ZCCHC10: variants seen among roughly 807,000 people sequenced by gnomAD.
ZCCHC10 encodes the protein zinc finger CCHC-type containing 10, also known as zinc finger CCHC domain-containing protein 10.
A neutral mutation model predicts 19.5 loss-of-function variants in ZCCHC10; 16 were observed. The ratio of observed to expected loss-of-function variants is 0.82; its 90% CI spans 0.56 to 1.25. The LOEUF (loss-of-function observed/expected upper bound fraction) is 1.25, where lower values mean the gene tolerates loss of function less well. Among genes scored for constraint, ZCCHC10 ranks in the 50% most tolerant of loss-of-function variants. ZCCHC10 has a pLI of 0.00. For synonymous variants in ZCCHC10, 67 were observed against 72.5 expected (o/e 0.92, Z 0.38); for missense variants, 197 against 201.0 (o/e 0.98, Z 0.12).
In ZCCHC10 at chr5:133,009,076, C is replaced by T. The variant is rs754875544; in HGVS notation, c.108-2156G>A. Among the ~76,000 whole-genome samples the T allele has an allele frequency of 8.6e-5, 13 of 151,908 alleles. No individual in the cohort carries two copies. The South Asian group carries it at 1.7e-3, about 19-fold the overall frequency. ...GGCCAAGAGTGCAGTGGCACGATCT[C>T]GGCTCACCACAAGCCTCCCAGGTTC... is the stretch of plus-strand genomic sequence containing the variant. On this transcript the variant is annotated intron_variant, in intron 2 of 4. Transcript: ENST00000509437.
At chr5:133,007,019 CTTA>C (rs1763165952) in intron 2 of ZCCHC10, 99 bp from the exon 3 acceptor site, 9 of 1,150,660 alleles carry the variant, frequency 7.8e-6, no homozygotes, top group African/African-American at 1.6e-5. Context: ...TATGTTTACT[CTTA>C]TGGTCCAATT....
At chr5:133,022,049 G>A (rs145934232) in intron 2 of ZCCHC10, among the ~76,000 whole-genome samples, 2 of 152,118 alleles carry the variant, frequency 1.3e-5, no homozygotes, top group East Asian at 1.9e-4. Context: ...CCCACCATGG[G>A]CCACCCAAAG....
At chr5:133,018,640 C>A (rs1189280315) in intron 2 of ZCCHC10, among the ~76,000 whole-genome samples, 1 of 152,122 alleles carries the variant, frequency 6.6e-6, no homozygotes, top group African/African-American at 2.4e-5. Context: ...CTCAGGTGAT[C>A]CTTGGCCTCG....
rs1762512813 is a variant in ZCCHC10 at position 132,997,701 on chromosome 5, G to A, written c.*882C>T. 6.6e-6 allele frequency: 1 copy of A among 151,926 alleles called. No individual in the cohort carries two copies. The highest frequency in any genetic ancestry group is 2.4e-5 in the African/African-American group (1 of 41,362). 9.4% of individuals were successfully genotyped at this position (151,926 alleles called of 1,614,324 possible). A position where few individuals can be genotyped will look rare whatever the true frequency, so the allele number is the denominator to read the frequency against. ...GCTTAAAAAAAGCTTTTAATAAAAGGCGACCAACATTGCCCTAATTTTCAG... is the reference window on the plus strand; with the variant it reads ...GCTTAAAAAAAGCTTTTAATAAAAGACGACCAACATTGCCCTAATTTTCAG... On this transcript the variant is annotated 3_prime_UTR_variant, in exon 5 of 5. Coordinates refer to ENST00000509437, the MANE Select transcript of ZCCHC10 (RefSeq NM_001300816.3).
At chr5:133,015,558 T>C (rs745505845) in intron 2 of ZCCHC10, among the ~76,000 whole-genome samples, 1 of 152,098 alleles carries the variant, frequency 6.6e-6, no homozygotes, top group African/African-American at 2.4e-5. Flanking sequence ...GTAGCTGCCA[T>C]GTCATGAAGT....
At chr5:133,026,389 A>C in intron 1 of ZCCHC10, 108 bp downstream of exon 1, 1 of 1,469,694 alleles carries the variant, frequency 6.8e-7, no homozygotes, top group South Asian at 1.2e-5. Context: ...AGAGTGTTTG[A>C]GAAACGGACA....
chr5:133,007,430 C>T (rs1010716863), intron 2 of ZCCHC10, among the ~76,000 whole-genome samples: 1 of 151,842 alleles, frequency 6.6e-6, no homozygotes, highest in East Asian at 1.9e-4. Flanking sequence ...GTAGTCCCAG[C>T]TACTCAGGAG....
intron 2 of ZCCHC10, among the ~76,000 whole-genome samples, chr5:133,009,164 G>A (rs1448901846): frequency 2.0e-5 from 3 of 151,932 alleles, no homozygotes; most frequent in African/African-American, 4.8e-5. Flanking sequence ...TATCACGCCC[G>A]GCTAATTTTT....
At chr5:133,025,337 T>C (rs1764603058) in intron 1 of ZCCHC10, among the ~76,000 whole-genome samples, 1 of 151,442 alleles carries the variant, frequency 6.6e-6, no homozygotes, top group East Asian at 1.9e-4. Context: ...ACCCCATCTC[T>C]ACTAAAAATA....
chr5:133,009,711 C>T (rs550847382), intron 2 of ZCCHC10, among the ~76,000 whole-genome samples: 12 of 151,564 alleles, frequency 7.9e-5, no homozygotes, highest in South Asian at 2.1e-4. Flanking sequence ...GTCTGTCCAT[C>T]GCAACAGGGT....
At position 133,019,260 on chromosome 5, in the gene ZCCHC10, T is replaced by G. The variant is rs560456995; in HGVS notation, c.107+3581A>C. The G allele has an allele frequency of 8.5e-4, 216 of 254,616 alleles. 3 individuals are homozygous for G. Among genetic ancestry groups the G allele is most frequent in the African/African-American group, 4.9e-3 (207 of 42,484 alleles). The allele number at this position is 254,616 out of a possible 1,614,324, so 15.8% of individuals were successfully genotyped here. On this transcript the variant is annotated intron_variant, in intron 2 of 4. Transcript: ENST00000509437. ...TGAAGCCCAGGTATGATTAACATAT[T>G]TTATATGTATGTTTTAAACACTCAC...
chr5:133,011,665 T>G (rs1763543537), intron 2 of ZCCHC10, among the ~76,000 whole-genome samples: 1 of 136,428 alleles, frequency 7.3e-6, no homozygotes, highest in African/African-American at 2.7e-5. Flanking sequence ...TGAGATAAAT[T>G]AAATACCAAT....
At chr5:133,005,228 A>C (rs924125720) in intron 3 of ZCCHC10, among the ~76,000 whole-genome samples, 1 of 152,030 alleles carries the variant, frequency 6.6e-6, no homozygotes, top group African/African-American at 2.4e-5. Flanking sequence ...CCTGGGAAGC[A>C]GAGGTCGAAG....
chr5:133,026,348 T>C (rs1764710121), intron 1 of ZCCHC10, 149 bp downstream of exon 1: 16 of 1,141,826 alleles, frequency 1.4e-5, no homozygotes, highest in Non-Finnish European at 1.9e-5. Flanking sequence ...ACCAGACTTA[T>C]CGCCCGGGCC....
intron 3 of ZCCHC10, among the ~76,000 whole-genome samples, chr5:133,006,268 A>G (rs937391587): frequency 1.3e-5 from 2 of 152,150 alleles, no homozygotes; most frequent in Non-Finnish European, 2.9e-5. Flanking sequence ...TTTTATAAAC[A>G]TAAATCATAG....
rs1762518431 is a variant in ZCCHC10, at chr5:132,997,790, A to AAAGG, written c.*792_*793insCCTT. Reference sequence around the variant, plus strand: ...GAATGGTACCTTTTATTGCATGTTAATACACAAAGATATTTCTAGCACTTC... The same window carrying AAAGG: ...GAATGGTACCTTTTATTGCATGTTAAAAGGTACACAAAGATATTTCTAGCACTTC... On this transcript the variant is annotated 3_prime_UTR_variant, in exon 5 of 5. Transcript: ENST00000509437. 6.6e-6 allele frequency: 1 copy of AAAGG among 152,096 alleles called. No individual in the cohort carries two copies. Among genetic ancestry groups the AAAGG allele is most frequent in the Non-Finnish European group, 1.5e-5 (1 of 67,992 alleles). The allele number at this position is 152,096 out of a possible 1,614,324, so 9.4% of individuals were successfully genotyped here.
chr5:133,002,780 C>G (rs1449589473), intron 3 of ZCCHC10, among the ~76,000 whole-genome samples: 1 of 151,988 alleles, frequency 6.6e-6, no homozygotes, highest in Non-Finnish European at 1.5e-5. Context: ...AGTGCTGTTG[C>G]ATGATCTTGG....
chr5:133,005,953 G>T (rs182855879), intron 3 of ZCCHC10, among the ~76,000 whole-genome samples: 86 of 147,622 alleles, frequency 5.8e-4, no homozygotes, highest in African/African-American at 2.1e-3. Context: ...CTATTATACA[G>T]CTAACAGCCC....
Position 132,997,772 on chromosome 5 carries a change from ACCTT to A in ZCCHC10, c.*807_*810del, listed in dbSNP as rs1762517040. ...TACCTTTCCCCCTGCTTTGAATGGT[ACCTT>A]TTATTGCATGTTAATACACAAAGAT... On this transcript the variant is annotated 3_prime_UTR_variant, in exon 5 of 5. Transcript: ENST00000509437. 6.6e-6 allele frequency: 1 copy of A among 152,164 alleles called. No homozygotes were observed. The highest frequency in any genetic ancestry group is 1.5e-5 in the Non-Finnish European group (1 of 68,004). 9.4% of individuals were successfully genotyped at this position (152,164 alleles called of 1,614,324 possible).
Sources: gnomAD v4.1 joint callset for allele counts (sites outside exome capture counted in the v4.1 genomes callset) on GRCh38, gnomAD v4.1.1 for gene constraint, MANE v1.5 for transcripts, NCBI Gene and HGNC (gene_info 2026-07-23, HGNC 2026-07-21) for gene names.